Variants in TIAM1 observed in about 807,000 individuals in gnomAD.
The protein encoded by TIAM1 is rho guanine nucleotide exchange factor TIAM1.
A neutral mutation model predicts 163.5 loss-of-function variants in TIAM1; 65 were observed. The observed-to-expected ratio is 0.40, with a 90% confidence interval of 0.33 to 0.49. The LOEUF (loss-of-function observed/expected upper bound fraction) is 0.49, where lower values mean the gene tolerates loss of function less well. Ranked by LOEUF, TIAM1 falls within the 20% of genes least tolerant of loss-of-function variation. The probability of loss-of-function intolerance (pLI) is 0.77; values close to 1 mark genes in which losing one functional copy is unlikely to be tolerated. For synonymous variants in TIAM1, 833 were observed against 810.1 expected (o/e 1.03, Z -0.48); for missense variants, 1,789 against 2,044.7 (o/e 0.87, Z 2.41).
chr21:31,529,317 A>G (rs1031607281), intron 1 of TIAM1, among the ~76,000 whole-genome samples: 1 of 152,148 alleles, frequency 6.6e-6, no homozygotes, highest in Admixed American at 6.5e-5. Flanking sequence ...CCTCCATCCT[A>G]TTAGGTTGGG....
intron 19 of TIAM1, among the ~76,000 whole-genome samples, chr21:31,147,746 ATAATATATAAT>A (rs2083196361): frequency 7.0e-6 from 1 of 142,748 alleles, no homozygotes; most frequent in South Asian, 2.1e-4. Flanking sequence ...ATAAAAATAT[ATAATATATAAT>A]TAATATATTA....
rs777725239 is a variant in TIAM1 at position 31,252,043 on chromosome 21, G to A, written c.1110C>T (p.Ser370=). 3.7e-6 allele frequency: 6 copies of A among 1,613,880 alleles called. No individual in the cohort carries two copies. The highest frequency in any genetic ancestry group is 4.5e-5 in the East Asian group (2 of 44,890). Residue 370 remains serine (S), a synonymous_variant, in exon 5 of 28, where the codon AGC becomes AGT. Coordinates refer to ENST00000541036, the MANE Select transcript of TIAM1 (RefSeq NM_001353694.2). ...TTGRAFVGSD[S]GSSSTGDAAR... ...CCGCATCCCCGGTGGAGCTGCTGCC[G>A]CTGTCGCTGCCCACAAAGGCCCGGC...
intron 1 of TIAM1, among the ~76,000 whole-genome samples, chr21:31,508,114 G>C (rs1281854855): frequency 2.0e-5 from 3 of 152,198 alleles, no homozygotes; most frequent in Admixed American, 2.0e-4. Flanking sequence ...GAAGCCACCA[G>C]AAGCTGGAAG....
intron 2 of TIAM1, among the ~76,000 whole-genome samples, chr21:31,301,897 ATG>A (rs1029205908): frequency 1.3e-5 from 2 of 148,922 alleles, no homozygotes; most frequent in Non-Finnish European, 3.0e-5. Context: ...TATATATAAA[ATG>A]TGTGTGTATA....
At chr21:31,462,500 G>A (rs916844304) in intron 2 of TIAM1, among the ~76,000 whole-genome samples, 1 of 152,148 alleles carries the variant, frequency 6.6e-6, no homozygotes, top group Non-Finnish European at 1.5e-5. Flanking sequence ...ATATTAGGTT[G>A]GTGCAAAAGT....
At chr21:31,169,816 T>C (rs893960052) in intron 15 of TIAM1, among the ~76,000 whole-genome samples, 5 of 152,022 alleles carry the variant, frequency 3.3e-5, no homozygotes, top group South Asian at 2.1e-4. Flanking sequence ...TGGAAGTGAT[T>C]ATATTTAAAG....
intron 12 of TIAM1, among the ~76,000 whole-genome samples, chr21:31,197,813 T>A (rs1430448535): frequency 6.6e-6 from 1 of 152,098 alleles, no homozygotes; most frequent in Non-Finnish European, 1.5e-5. Flanking sequence ...AAAGAGAAAG[T>A]ACTTTCCTAA....
At position 31,141,741 on chromosome 21, in the gene TIAM1, C is replaced by T. The variant is rs1026487832; in HGVS notation, c.3476-237G>A. Among the ~76,000 whole-genome samples the T allele has an allele frequency of 6.6e-5, 10 of 152,184 alleles. No individual in the cohort carries two copies. The highest frequency in any genetic ancestry group is 1.9e-4 in the African/African-American group (8 of 41,504). On this transcript the variant is annotated intron_variant, in intron 20 of 27. Coordinates refer to ENST00000541036, the MANE Select transcript of TIAM1 (RefSeq NM_001353694.2). The surrounding 1 kb of genome is among the most constrained non-coding windows in gnomAD (Gnocchi z 4.7). ...AGAAGCCTGATGAGTTAAAGGATGA[C>T]GGAGTGTAGACTGCAGACACCCGGA...
At chr21:31,295,354 C>T (rs1013052723) in intron 2 of TIAM1, among the ~76,000 whole-genome samples, 7 of 149,754 alleles carry the variant, frequency 4.7e-5, no homozygotes, top group Non-Finnish European at 8.9e-5. Context: ...CCTGTAGTCC[C>T]AACTACTCAG....
At chr21:31,126,094 T>C (rs986059824) in intron 26 of TIAM1, among the ~76,000 whole-genome samples, 3 of 152,224 alleles carry the variant, frequency 2.0e-5, no homozygotes, top group Non-Finnish European at 2.9e-5. Context: ...AAATAATGAA[T>C]GTAAGGTGTT....
chr21:31,177,847 A>G (rs1194350124), intron 15 of TIAM1, among the ~76,000 whole-genome samples: 1 of 152,180 alleles, frequency 6.6e-6, no homozygotes, highest in Non-Finnish European at 1.5e-5. Flanking sequence ...TCTGCAGGAC[A>G]AGCCTCCAGC....
Position 31,149,773 on chromosome 21 carries a change from G to A in TIAM1, c.3367-2770C>T, listed in dbSNP as rs117819760. On this transcript the variant is annotated intron_variant, in intron 19 of 27. Coordinates refer to ENST00000541036, the MANE Select transcript of TIAM1 (RefSeq NM_001353694.2). ...TTATCTAACTACCAGGCCACATTAT[G>A]TGTTCTACTGTGCAAATTATCAATT... 7.1e-4 allele frequency among the ~76,000 whole-genome samples: 108 copies of A among 152,180 alleles called. No homozygotes were observed. In the East Asian group the frequency reaches 0.019, roughly 27 times the overall value.
intron 2 of TIAM1, among the ~76,000 whole-genome samples, chr21:31,283,129 CT>C (rs2073643574): frequency 6.6e-6 from 1 of 152,202 alleles, no homozygotes; most frequent in Non-Finnish European, 1.5e-5. Flanking sequence ...TTAGGGCGAG[CT>C]ACCATTTATG....
At chr21:31,522,516 A>AAAAAAC (rs1320067519) in intron 1 of TIAM1, among the ~76,000 whole-genome samples, 1 of 151,840 alleles carries the variant, frequency 6.6e-6, no homozygotes, top group African/African-American at 2.4e-5. Flanking sequence ...ATCCCAAAAA[A>AAAAAAC]AAAAACAAAA....
At chr21:31,251,558 T>G (rs1026143082) in intron 5 of TIAM1, among the ~76,000 whole-genome samples, 184 bp downstream of exon 5, 1 of 152,194 alleles carries the variant, frequency 6.6e-6, no homozygotes, top group Non-Finnish European at 1.5e-5. Flanking sequence ...ATTGCACATT[T>G]TAAAATGTAA....
chr21:31,301,229 A>G (rs895485786), intron 2 of TIAM1, among the ~76,000 whole-genome samples: 2 of 152,236 alleles, frequency 1.3e-5, no homozygotes, highest in African/African-American at 4.8e-5. Flanking sequence ...CCAGACCACA[A>G]CAAGGCCAGG....
At chr21:31,436,615 A>C (rs1306432064) in intron 2 of TIAM1, among the ~76,000 whole-genome samples, 1 of 152,108 alleles carries the variant, frequency 6.6e-6, no homozygotes, top group Non-Finnish European at 1.5e-5. Flanking sequence ...CCTGGGTGAC[A>C]GAGCGAGACT....
intron 2 of TIAM1, among the ~76,000 whole-genome samples, chr21:31,285,580 C>T (rs2073772302): frequency 6.6e-6 from 1 of 152,152 alleles, no homozygotes; most frequent in Non-Finnish European, 1.5e-5. Context: ...AGATTTCACG[C>T]CAGGCATGGT....
At chr21:31,488,641 T>C (rs764694505) in intron 1 of TIAM1, among the ~76,000 whole-genome samples, 6 of 152,136 alleles carry the variant, frequency 3.9e-5, no homozygotes, top group Non-Finnish European at 8.8e-5. Context: ...CAAAAGAGCA[T>C]ATGCCAGGGA....
Sources: gnomAD v4.1 joint callset for allele counts (sites outside exome capture counted in the v4.1 genomes callset) on GRCh38, gnomAD v4.1.1 for gene constraint, Gnocchi (gnomAD v3.1) non-coding constraint, MANE v1.5 for transcripts, NCBI Gene and HGNC (gene_info 2026-07-23, HGNC 2026-07-21) for gene names.